The following CHST13 variants were observed in gnomAD, a reference collection of about 807,000 sequenced individuals.
The protein encoded by CHST13 is carbohydrate sulfotransferase 13.
CHST13 carries 1 observed loss-of-function variant against 7.0 expected under a neutral mutation model. The ratio of observed to expected loss-of-function variants is 0.14; its 90% confidence interval spans 0.05 to 0.68. The LOEUF (loss-of-function observed/expected upper bound fraction) is 0.68, where lower values mean the gene tolerates loss of function less well. Ranked by LOEUF, CHST13 falls within the 30% of genes least tolerant of loss-of-function variation. CHST13 has a pLI of 0.82. For missense variants in CHST13, 572 were observed against 507.9 expected (o/e 1.13, Z -1.21); for synonymous variants, 257 against 240.9 (o/e 1.07, Z -0.62).
chr3:126,539,762 C>CAA (rs1936895662), intron 2 of CHST13, among the ~76,000 whole-genome samples: 1 of 99,102 alleles, frequency 1.0e-5, no homozygotes, highest in Non-Finnish European at 2.1e-5. Context: ...ACACTCCACA[C>CAA]CACACACACA....
At position 126,538,222 on chromosome 3, in the gene CHST13, C is replaced by T. The variant is rs191546972; in HGVS notation, c.180+1869C>T. On this transcript the variant is annotated intron_variant, in intron 2 of 2. Coordinates refer to ENST00000319340, the MANE Select transcript of CHST13 (RefSeq NM_152889.3). ...GAGCTGCTCGGAGACTGGCAGCCCA[C>T]GGTTCAGCAGCAGCCAGCTGCCCAC... Among the ~76,000 whole-genome samples the T allele has an allele frequency of 4.6e-5, 7 of 152,374 alleles. No individual in the cohort carries two copies. In the East Asian group the frequency reaches 7.7e-4, roughly 17 times the overall value.
intron 1 of CHST13, chr3:126,529,357 A>C (rs1425521778): frequency 1.6e-6 from 2 of 1,289,156 alleles, no homozygotes; most frequent in African/African-American, 3.0e-5. Flanking sequence ...GGGTCAGTGA[A>C]ATGGGGCCCA....
intron 1 of CHST13, chr3:126,529,400 G>A (rs1215982005): frequency 7.8e-7 from 1 of 1,288,938 alleles, no homozygotes; most frequent in African/African-American, 1.5e-5. Flanking sequence ...GGGGACAGGT[G>A]TCAGGACAAG....
intron 1 of CHST13, among the ~76,000 whole-genome samples, chr3:126,525,510 G>A (rs1347134164): frequency 6.6e-6 from 1 of 152,116 alleles, no homozygotes; most frequent in Non-Finnish European, 1.5e-5. Context: ...ATAGGGCTGG[G>A]GTGTCTCTTT....
At chr3:126,538,581 G>A (rs1412286379) in intron 2 of CHST13, among the ~76,000 whole-genome samples, 1 of 152,242 alleles carries the variant, frequency 6.6e-6, no homozygotes, top group African/African-American at 2.4e-5. Context: ...GAGGAAGACT[G>A]ACAGGTGGCC....
At chr3:126,529,230 A>G in intron 1 of CHST13, 1 of 987,888 alleles carries the variant, frequency 1.0e-6, no homozygotes, top group South Asian at 1.3e-5. Context: ...TTCACCCGGT[A>G]TCTTGATTGG....
At chr3:126,528,618 G>T (rs1310604317) in intron 1 of CHST13, among the ~76,000 whole-genome samples, 1 of 152,132 alleles carries the variant, frequency 6.6e-6, no homozygotes, top group Non-Finnish European at 1.5e-5. Flanking sequence ...CCTACCCGGG[G>T]CTGGCCATGG....
chr3:126,524,776 C>T (rs1276132652), intron 1 of CHST13, among the ~76,000 whole-genome samples: 4 of 152,178 alleles, frequency 2.6e-5, no homozygotes, highest in Admixed American at 6.5e-5. Flanking sequence ...CCCTGCGCAC[C>T]CCACGGCCCC....
intron 2 of CHST13, among the ~76,000 whole-genome samples, chr3:126,540,100 G>T (rs12631430): frequency 6.6e-6 from 1 of 151,396 alleles, no homozygotes; most frequent in Non-Finnish European, 1.5e-5. Flanking sequence ...CACACGCACA[G>T]GACACACACG....
At chr3:126,530,495 T>C (rs914023445) in intron 1 of CHST13, among the ~76,000 whole-genome samples, 3 of 152,166 alleles carry the variant, frequency 2.0e-5, no homozygotes, top group African/African-American at 7.2e-5. Flanking sequence ...CACAGGCTGC[T>C]GAGCACCAGT....
In CHST13 at chr3:126,542,431, G is replaced by T; in HGVS notation, c.879G>T (p.Arg293=). Residue 293 remains arginine (R), a synonymous_variant, in exon 3 of 3, where the codon CGG becomes CGT. Coordinates refer to ENST00000319340, the MANE Select transcript of CHST13 (RefSeq NM_152889.3). ...ACCTGAGCTTCCCTGGGCCGCCGCG[G>T]CCCCGGGGAGCCGCCGCCTCCCGCG... ...ASDLSFPGPP[R]PRGAAASRDL... 6.4e-7 allele frequency: 1 copy of T among 1,556,114 alleles called. No individual in the cohort carries two copies. The highest frequency in any genetic ancestry group is 8.7e-7 in the Non-Finnish European group (1 of 1,153,486).
In CHST13 at chr3:126,524,402, TGCGCC is replaced by T; in HGVS notation, c.76_80del (p.Ala26ProfsTer30). The T allele has an allele frequency of 8.3e-7, 1 of 1,211,292 alleles. No individual in the cohort carries two copies. The highest frequency in any genetic ancestry group is 1.0e-6 in the Non-Finnish European group (1 of 969,450). 75.0% of individuals were successfully genotyped at this position (1,211,292 alleles called of 1,614,324 possible). On this transcript the variant is annotated frameshift_variant, in exon 1 of 3. Coordinates refer to ENST00000319340, the MANE Select transcript of CHST13 (RefSeq NM_152889.3). LOFTEE classifies it high-confidence loss of function. The stretch of plus-strand genomic sequence containing the variant: ...TCTGGGCGCCGCGCTCCTGCTCCTA[TGCGCC>T]GCGCCCCGCTCCCTGCGCCCGGGTG...
chr3:126,534,846 C>G (rs1271705857), intron 1 of CHST13, among the ~76,000 whole-genome samples: 2 of 151,684 alleles, frequency 1.3e-5, no homozygotes, highest in Middle Eastern at 3.5e-3. Context: ...GAGAGCATCC[C>G]TGTCCTCAGC....
At chr3:126,535,167 A>G (rs1429776802) in intron 1 of CHST13, among the ~76,000 whole-genome samples, 1 of 151,206 alleles carries the variant, frequency 6.6e-6, no homozygotes, top group East Asian at 2.0e-4. Context: ...GGAGACAGAC[A>G]GCATCCCTGT....
chr3:126,540,945 C>T (rs1013484331), intron 2 of CHST13, among the ~76,000 whole-genome samples: 5 of 152,178 alleles, frequency 3.3e-5, no homozygotes, highest in Non-Finnish European at 7.3e-5. Flanking sequence ...TTTATGAACT[C>T]TTACACAAAA....
At position 126,542,269 on chromosome 3, in the gene CHST13, T is replaced by TGAGGAGCCCTTCAACGAGCAC. The variant is rs750988620; in HGVS notation, c.718_738dup (p.Glu240_His246dup). On this transcript the variant is annotated inframe_insertion, in exon 3 of 3. Coordinates refer to ENST00000319340, the MANE Select transcript of CHST13 (RefSeq NM_152889.3). ...ACCTGCTGGACCCGCGCACGCGGCGTGAGGAGCCCTTCAACGAGCACTGGG... is the reference window on the plus strand; with the variant it reads ...ACCTGCTGGACCCGCGCACGCGGCGTGAGGAGCCCTTCAACGAGCACGAGGAGCCCTTCAACGAGCACTGGG... 1.1e-5 allele frequency: 17 copies of TGAGGAGCCCTTCAACGAGCAC among 1,558,930 alleles called. No individual in the cohort carries two copies. The highest frequency in any genetic ancestry group is 1.8e-5 in the Admixed American group (1 of 56,082).
At chr3:126,535,099 T>TCCCTGTCCTCAGCCGGG (rs1560139687) in intron 1 of CHST13, among the ~76,000 whole-genome samples, 1 of 6,410 alleles carries the variant, frequency 1.6e-4, no homozygotes, top group East Asian at 4.4e-3. Flanking sequence ...GGGAGACAGA[T>TCCCTGTCCTCAGCCGGG]AGACAGCATC....
intron 1 of CHST13, among the ~76,000 whole-genome samples, chr3:126,532,606 C>G (rs2087598): frequency 0.037 from 5,675 of 152,310 alleles, 179 homozygotes; most frequent in Admixed American, 0.098. Context: ...GCTGAACTTT[C>G]AGTGCTATTT....
rs1210408847 is a variant in CHST13 at position 126,524,376 on chromosome 3, G to C, written c.44G>C (p.Cys15Ser). The C allele has an allele frequency of 2.4e-6, 3 of 1,237,292 alleles. No homozygotes were observed. Among genetic ancestry groups the C allele is most frequent in the African/African-American group, 1.6e-5 (1 of 63,912 alleles). The allele number at this position is 1,237,292 out of a possible 1,614,324, so 76.6% of individuals were successfully genotyped here. A position where few individuals can be genotyped will look rare whatever the true frequency, so the allele number is the denominator to read the frequency against. ...CCRRRVLAAA[C>S]LGAALLLLCA... is the part of the protein sequence containing the mutation. ...CGGCGGCGCGTGCTGGCGGCCGCCTGTCTGGGCGCCGCGCTCCTGCTCCTA... is the reference window on the plus strand; with the variant it reads ...CGGCGGCGCGTGCTGGCGGCCGCCTCTCTGGGCGCCGCGCTCCTGCTCCTA... Residue 15 changes from cysteine (C) to serine (S), a missense_variant, in exon 1 of 3, where the codon TGT (cysteine) becomes TCT (serine). Physicochemically the swap from Cys to Ser is moderately radical, Grantham distance 112 (BLOSUM62 -1). Transcript: ENST00000319340.
Sources: allele counts gnomAD v4.1 joint callset (sites outside exome capture counted in the v4.1 genomes callset), GRCh38; gene constraint gnomAD v4.1.1; transcripts MANE v1.5; gene names NCBI Gene and HGNC (gene_info 2026-07-23, HGNC 2026-07-21).